The following SCLT1 variants were observed in gnomAD, a reference collection of about 807,000 sequenced individuals.
SCLT1 encodes sodium channel and clathrin linker 1, also known as sodium channel-associated protein 1.
A neutral mutation model predicts 112.8 loss-of-function variants in SCLT1; 78 were observed. That is an observed-to-expected ratio of 0.69 (90% CI 0.58 to 0.83). The LOEUF is 0.83. Ranked by LOEUF, SCLT1 falls within the 40% of genes least tolerant of loss-of-function variation. The probability of loss-of-function intolerance (pLI) is 0.00; values close to 1 mark genes in which losing one functional copy is unlikely to be tolerated. For synonymous variants in SCLT1, 257 were observed against 254.7 expected (o/e 1.01, Z -0.09); for missense variants, 747 against 770.4 (o/e 0.97, Z 0.36).
chr4:128,992,555 C>A (rs577492458), intron 8 of SCLT1, among the ~76,000 whole-genome samples: 8 of 152,042 alleles, frequency 5.3e-5, no homozygotes, highest in African/African-American at 1.9e-4. Context: ...CTGTTCTGAG[C>A]AGCCTGACAT....
Position 129,000,866 on chromosome 4 carries a change from A to T in SCLT1, c.427-1072T>A, listed in dbSNP as rs1263214954. The stretch of plus-strand genomic sequence containing the variant: ...CTAGAAGCTGGACGACCCTCTTGTG[A>T]TCTCTTCCAGTTACTATACTCTTCT... On this transcript the variant is annotated intron_variant, in intron 6 of 20. Transcript: ENST00000281142. 3.3e-5 allele frequency among the ~76,000 whole-genome samples: 5 copies of T among 151,796 alleles called. No homozygotes were observed. The South Asian group carries it at 8.3e-4, about 25-fold the overall frequency.
chr4:128,956,910 A>T, intron 13 of SCLT1, 116 bp downstream of exon 13: 2 of 563,832 alleles, frequency 3.5e-6, no homozygotes, highest in Non-Finnish European at 3.1e-6. Context: ...TTTCATATGG[A>T]GTCTTTATAA....
At chr4:129,063,268 C>T (rs999640826) in intron 2 of SCLT1, among the ~76,000 whole-genome samples, 1 of 152,202 alleles carries the variant, frequency 6.6e-6, no homozygotes, top group Non-Finnish European at 1.5e-5. Context: ...GCAGTCACCT[C>T]CTGCGGTCTT....
In SCLT1 at chr4:128,891,094, A is replaced by G. The variant is rs777465945; in HGVS notation, c.1873T>C (p.Ser625Pro). 9.9e-6 allele frequency: 16 copies of G among 1,613,086 alleles called. No homozygotes were observed. The Admixed American group carries it at 2.7e-4, about 27-fold the overall frequency. ...RQKLHTQELL[S>P]QLEMANEKVA... ...TTTTCATTTGCCATTTCCAGCTGAG[A>G]AAGCAGCTCTTGGGTATGAAGTTTC... Residue 625 changes from serine (S) to proline (P), a missense_variant, in exon 19 of 21, where the codon TCT (serine) becomes CCT (proline). Ser to Pro is a moderately conservative substitution (Grantham distance 74, BLOSUM62 -1). This residue lies in a region of SCLT1 where 723 missense variants were observed against 721.3 expected (regional missense o/e 1.00). Coordinates refer to ENST00000281142, the MANE Select transcript of SCLT1 (RefSeq NM_144643.4).
At position 128,951,137 on chromosome 4, in the gene SCLT1, T is replaced by C. The variant is rs140444053; in HGVS notation, c.1218+1632A>G. 7.3e-5 allele frequency among the ~76,000 whole-genome samples: 11 copies of C among 150,526 alleles called. No homozygotes were observed. In the East Asian group the frequency reaches 1.5e-3, roughly 21 times the overall value. On this transcript the variant is annotated intron_variant, in intron 14 of 20. Coordinates refer to ENST00000281142, the MANE Select transcript of SCLT1 (RefSeq NM_144643.4). ...AATAGTATAGATGGATAGTATATTATACTAATACTATTAGTCTAGATAGTA... is the reference window on the plus strand; with the variant it reads ...AATAGTATAGATGGATAGTATATTACACTAATACTATTAGTCTAGATAGTA...
chr4:128,926,638 C>G (rs1736319446), intron 18 of SCLT1, among the ~76,000 whole-genome samples: 1 of 152,072 alleles, frequency 6.6e-6, no homozygotes, highest in African/African-American at 2.4e-5. Flanking sequence ...ATATTTATTA[C>G]TTTATTCTAC....
chr4:128,959,568 T>C lies in SCLT1; in HGVS notation c.1047+32A>G, dbSNP rs754104974. 47 of 1,531,668 alleles carry C rather than the reference T, an allele frequency of 3.1e-5. No individual in the cohort carries two copies. The South Asian group carries it at 5.1e-4, about 17-fold the overall frequency. The allele number at this position is 1,531,668 out of a possible 1,614,324, so 94.9% of individuals were successfully genotyped here. On this transcript the variant is annotated intron_variant, in intron 12 of 20. Coordinates refer to ENST00000281142, the MANE Select transcript of SCLT1 (RefSeq NM_144643.4). ...ACATGGGAGAATAGTCAACATTTTA[T>C]TATATCTAAACATATTTACTAGCTT... is the stretch of plus-strand genomic sequence containing the variant.
In SCLT1 at chr4:128,888,920, T is replaced by C. The variant is rs189696805; in HGVS notation, c.1909-146A>G. ...CTCCAAATTTACATTTTTCAAGTTATGAGCTTTAAAATACAAACTTTGTTT... is the reference window on the plus strand; with the variant it reads ...CTCCAAATTTACATTTTTCAAGTTACGAGCTTTAAAATACAAACTTTGTTT... On this transcript the variant is annotated intron_variant, in intron 19 of 20. Transcript: ENST00000281142. The C allele has an allele frequency of 1.1e-3, 482 of 455,852 alleles. 2 individuals are homozygous for C. The highest frequency in any genetic ancestry group is 8.9e-3 in the African/African-American group (440 of 49,624). 28.2% of individuals were successfully genotyped at this position (455,852 alleles called of 1,614,324 possible).
At chr4:128,992,318 A>G in intron 8 of SCLT1, 81 bp from the exon 9 acceptor site, 2 of 868,168 alleles carry the variant, frequency 2.3e-6, no homozygotes, top group Non-Finnish European at 3.5e-6. Context: ...ACATACAAGT[A>G]GAAAAAAAGT....
chr4:129,059,987 A>AT (rs574228629), intron 2 of SCLT1, among the ~76,000 whole-genome samples: 325 of 151,912 alleles, frequency 2.1e-3, no homozygotes, highest in Middle Eastern at 0.01. Context: ...TAATATGAAT[A>AT]TTTTTTTGCC....
intron 18 of SCLT1, among the ~76,000 whole-genome samples, chr4:128,909,088 G>C (rs911450144): frequency 6.6e-6 from 1 of 151,900 alleles, no homozygotes; most frequent in African/African-American, 2.4e-5. Context: ...CTGCTTTGGC[G>C]GTCTTTGAAC....
intron 2 of SCLT1, among the ~76,000 whole-genome samples, chr4:129,046,711 A>T (rs1748216901): frequency 6.6e-6 from 1 of 152,144 alleles, no homozygotes; most frequent in Admixed American, 6.6e-5. Context: ...GATGACTCAT[A>T]AGGTCTGTAT....
At chr4:129,059,215 A>G (rs1220893125) in intron 2 of SCLT1, among the ~76,000 whole-genome samples, 1 of 152,166 alleles carries the variant, frequency 6.6e-6, no homozygotes, top group African/African-American at 2.4e-5. Flanking sequence ...TAACTGGGTG[A>G]CAGCTTTTTA....
chr4:129,004,080 G>A (rs1407263217), intron 5 of SCLT1, among the ~76,000 whole-genome samples: 1 of 152,046 alleles, frequency 6.6e-6, no homozygotes, highest in Non-Finnish European at 1.5e-5. Flanking sequence ...CAATTTCAAT[G>A]CATTAAATCG....
At chr4:128,900,674 A>T (rs1734204743) in intron 18 of SCLT1, among the ~76,000 whole-genome samples, 1 of 152,234 alleles carries the variant, frequency 6.6e-6, no homozygotes, top group Non-Finnish European at 1.5e-5. Context: ...AAAATTGACA[A>T]ATGGGATCTA....
intron 14 of SCLT1, among the ~76,000 whole-genome samples, chr4:128,951,437 G>A (rs1173326000): frequency 2.6e-5 from 4 of 152,074 alleles, no homozygotes; most frequent in Non-Finnish European, 5.9e-5. Flanking sequence ...AACTGAAATT[G>A]TCATTCTTTT....
chr4:129,063,744 G>C (rs1310289177), intron 2 of SCLT1, among the ~76,000 whole-genome samples: 1 of 152,188 alleles, frequency 6.6e-6, no homozygotes, highest in Non-Finnish European at 1.5e-5. Flanking sequence ...AGCCCTGACT[G>C]TGAGTCCCTC....
At chr4:129,075,376 T>C (rs1751373145) in intron 2 of SCLT1, among the ~76,000 whole-genome samples, 1 of 152,146 alleles carries the variant, frequency 6.6e-6, no homozygotes, top group Non-Finnish European at 1.5e-5. Context: ...TCAATAAATG[T>C]TGACGAACAG....
At chr4:129,007,620 G>C (rs1454185740) in intron 5 of SCLT1, among the ~76,000 whole-genome samples, 2 of 151,694 alleles carry the variant, frequency 1.3e-5, no homozygotes, top group Non-Finnish European at 2.9e-5. Context: ...CTGTACTCTT[G>C]TATTTTACGA....
Sources: allele counts gnomAD v4.1 joint callset (sites outside exome capture counted in the v4.1 genomes callset), GRCh38; gene constraint gnomAD v4.1.1; regional missense constraint gnomAD v4.1.1; transcripts MANE v1.5; gene names NCBI Gene and HGNC (gene_info 2026-07-23, HGNC 2026-07-21).